STAU2: variants seen among roughly 807,000 people sequenced by gnomAD.
The protein encoded by STAU2 is double-stranded RNA-binding protein Staufen homolog 2.
Under a neutral mutation model 65.9 loss-of-function variants are expected in STAU2, and 20 were observed. That is an observed-to-expected ratio of 0.30 (90% CI 0.21 to 0.44). The LOEUF is 0.44. Among genes scored for constraint, STAU2 ranks in the 20% least tolerant of loss-of-function variants. The pLI is 1.00. For missense variants in STAU2, 558 were observed against 683.9 expected, an observed-to-expected ratio of 0.82 and a Z score of 2.05; for synonymous variants, 232 against 233.9, an observed-to-expected ratio of 0.99 and a Z score of 0.07.
rs572193404 is a variant in STAU2 at position 73,681,616 on chromosome 8, C to G, written c.274+7038G>C. On this transcript the variant is annotated intron_variant, in intron 5 of 14. Coordinates refer to ENST00000524300, the MANE Select transcript of STAU2 (RefSeq NM_001164380.2). ...AACTAGCACAATGGATAGAATAGTA[C>G]CTCACATCTTAATACTAATGTTGAA... 4.7e-4 allele frequency among the ~76,000 whole-genome samples: 71 copies of G among 152,184 alleles called. 1 individual carries two copies. In the South Asian group the frequency reaches 6.0e-3, roughly 13 times the overall value.
chr8:73,646,695 C>A (rs1357542582), intron 6 of STAU2, among the ~76,000 whole-genome samples: 103 of 151,964 alleles, frequency 6.8e-4, no homozygotes, highest in Non-Finnish European at 1.0e-4. Flanking sequence ...CCAAAGCACA[C>A]TCACAAAAAA....
At chr8:73,668,815 TA>T (rs1303898434) in intron 6 of STAU2, among the ~76,000 whole-genome samples, 2 of 152,100 alleles carry the variant, frequency 1.3e-5, no homozygotes, top group East Asian at 1.9e-4. Flanking sequence ...CACTCATCAT[TA>T]AAAAAGAAGA....
chr8:73,705,045 A>T (rs1220784504), intron 4 of STAU2, among the ~76,000 whole-genome samples: 1 of 152,188 alleles, frequency 6.6e-6, no homozygotes, highest in Middle Eastern at 3.2e-3. Flanking sequence ...CAGTGCAGGA[A>T]CAGTGCCTGC....
chr8:73,510,075 C>CT (rs1297931212), intron 13 of STAU2, among the ~76,000 whole-genome samples: 21 of 150,910 alleles, frequency 1.4e-4, no homozygotes, highest in Admixed American at 5.3e-4. Context: ...TTTTCTTTTT[C>CT]TTTTTTTTTG....
intron 12 of STAU2, among the ~76,000 whole-genome samples, chr8:73,582,534 A>T (rs540246200): frequency 1.3e-5 from 2 of 152,018 alleles, no homozygotes; most frequent in African/African-American, 4.8e-5. Context: ...TGTGATCACT[A>T]CATGTATTAA....
At chr8:73,527,136 A>G (rs1489287326) in intron 13 of STAU2, among the ~76,000 whole-genome samples, 1 of 152,232 alleles carries the variant, frequency 6.6e-6, no homozygotes, top group East Asian at 1.9e-4. Flanking sequence ...CATGCTGTAC[A>G]CGTTTGTAGT....
chr8:73,492,984 G>T (rs1403220588), intron 13 of STAU2, among the ~76,000 whole-genome samples: 1 of 151,242 alleles, frequency 6.6e-6, no homozygotes, highest in African/African-American at 2.4e-5. Context: ...CAATGGAACA[G>T]AACAGAGAAC....
At chr8:73,615,020 C>T (rs1254629074) in intron 8 of STAU2, among the ~76,000 whole-genome samples, 1 of 152,138 alleles carries the variant, frequency 6.6e-6, no homozygotes, top group Non-Finnish European at 1.5e-5. Context: ...AGGTGAATGT[C>T]ATACAATGTG....
intron 13 of STAU2, among the ~76,000 whole-genome samples, chr8:73,474,981 A>G (rs1357520524): frequency 6.6e-6 from 1 of 152,244 alleles, no homozygotes; most frequent in Non-Finnish European, 1.5e-5. Context: ...ATATTGAGTG[A>G]AAGAAACAGA....
chr8:73,568,076 A>G (rs905797855), intron 12 of STAU2, among the ~76,000 whole-genome samples: 1 of 152,216 alleles, frequency 6.6e-6, no homozygotes, highest in African/African-American at 2.4e-5. Context: ...CTGAACCTTA[A>G]TAGTTTTCAA....
chr8:73,714,185 G>C (rs1237318770), intron 3 of STAU2, among the ~76,000 whole-genome samples: 2 of 152,138 alleles, frequency 1.3e-5, no homozygotes, highest in African/African-American at 4.8e-5. Context: ...TTACAGGCGT[G>C]AGCCACCACG....
At chr8:73,515,931 CTCTT>C (rs1177662419) in intron 13 of STAU2, among the ~76,000 whole-genome samples, 2 of 147,262 alleles carry the variant, frequency 1.4e-5, no homozygotes, top group African/African-American at 5.0e-5. Flanking sequence ...AGGGCACTGA[CTCTT>C]TTTTTTTTTT....
intron 6 of STAU2, among the ~76,000 whole-genome samples, chr8:73,638,130 C>T (rs1814685269): frequency 6.6e-6 from 1 of 151,754 alleles, no homozygotes; most frequent in Admixed American, 6.6e-5. Context: ...CTGGCAGGGG[C>T]AGGGGCAAAA....
chr8:73,503,358 G>A (rs950632962), intron 13 of STAU2, among the ~76,000 whole-genome samples: 1 of 152,074 alleles, frequency 6.6e-6, no homozygotes, highest in Non-Finnish European at 1.5e-5. Context: ...TAATAGCAGG[G>A]CTCATTTCCT....
intron 6 of STAU2, among the ~76,000 whole-genome samples, chr8:73,662,470 A>G (rs79638799): frequency 0.19 from 28,879 of 152,080 alleles, 2,945 homozygotes; most frequent in East Asian, 0.36. Flanking sequence ...GTGTTCTAAG[A>G]AATCTTTGTC....
At chr8:73,697,013 A>G (rs28843763) in intron 4 of STAU2, among the ~76,000 whole-genome samples, 11,007 of 152,192 alleles carry the variant, frequency 0.072, 434 homozygotes, top group Middle Eastern at 0.14. Context: ...AACATACAAT[A>G]GAGCTCCAAT....
At chr8:73,597,669 C>CAAATAAA (rs1811302124) in intron 10 of STAU2, among the ~76,000 whole-genome samples, 1 of 55,876 alleles carries the variant, frequency 1.8e-5, no homozygotes, top group African/African-American at 7.0e-5. Context: ...GTCTCTGTCT[C>CAAATAAA]AAAAAAAAAA....
intron 14 of STAU2, 25 bp from the exon 15 acceptor site, chr8:73,421,490 A>G (rs1289656739): frequency 6.5e-7 from 1 of 1,536,538 alleles, no homozygotes; most frequent in South Asian, 1.2e-5. Context: ...CATTAACAAG[A>G]GCTGAAGGCC....
intron 13 of STAU2, among the ~76,000 whole-genome samples, chr8:73,539,757 C>T (rs112591359): frequency 0.064 from 9,662 of 151,496 alleles, 809 homozygotes; most frequent in African/African-American, 0.2. Context: ...GCAAGATAAT[C>T]GCTTGAACCT....
Sources: gnomAD v4.1 joint callset for allele counts (sites outside exome capture counted in the v4.1 genomes callset) on GRCh38, gnomAD v4.1.1 for gene constraint, MANE v1.5 for transcripts, NCBI Gene and HGNC (gene_info 2026-07-23, HGNC 2026-07-21) for gene names.